TRAFD1: variants seen among roughly 807,000 people sequenced by gnomAD.
The protein encoded by TRAFD1 is TRAF-type zinc finger domain containing 1, also known as TRAF-type zinc finger domain-containing protein 1.
TRAFD1 carries 38 observed loss-of-function variants against 65.3 expected under a neutral mutation model. The observed-to-expected ratio is 0.58, with a 90% CI of 0.45 to 0.76. TRAFD1 has a LOEUF of 0.76. TRAFD1 is among the 30% of genes least tolerant of loss of function. TRAFD1 has a pLI of 0.00. For missense variants in TRAFD1, 631 were observed against 712.6 expected, an observed-to-expected ratio of 0.89 and a Z score of 1.30; for synonymous variants, 223 against 257.2, an observed-to-expected ratio of 0.87 and a Z score of 1.27.
intron 7 of TRAFD1, among the ~76,000 whole-genome samples, chr12:112,146,032 G>A (rs575756465): frequency 6.8e-6 from 1 of 146,620 alleles, no homozygotes; most frequent in Middle Eastern, 3.5e-3. Context: ...GGTTGGGGGA[G>A]GGGGGAGGGA....
rs2136968526 is a variant in TRAFD1, at chr12:112,130,313, TC to T, written c.-12-195del. ...TTTTATTATTTTTATTTTTTAAAAC[TC>T]CCTTATCCAATAAAATTATTTTAAA... On this transcript the variant is annotated intron_variant, in intron 1 of 11. Coordinates refer to ENST00000412615, the MANE Select transcript of TRAFD1 (RefSeq NM_006700.3). This position sits in a 1 kb window ranked among gnomAD's most constrained non-coding sequence, Gnocchi z 4.4. 6.6e-6 allele frequency among the ~76,000 whole-genome samples: 1 copy of T among 152,198 alleles called. No individual in the cohort carries two copies. The highest frequency in any genetic ancestry group is 2.1e-4 in the South Asian group (1 of 4,830).
intron 9 of TRAFD1, among the ~76,000 whole-genome samples, chr12:112,150,544 C>T (rs560776715): frequency 3.9e-5 from 6 of 152,126 alleles, no homozygotes; most frequent in African/African-American, 7.2e-5. Flanking sequence ...CCACTGTGAC[C>T]GACCTCAAAC....
At chr12:112,128,107 C>T (rs1437377643) in intron 1 of TRAFD1, among the ~76,000 whole-genome samples, 1 of 151,978 alleles carries the variant, frequency 6.6e-6, no homozygotes, top group Non-Finnish European at 1.5e-5. Flanking sequence ...CTGCAACCTC[C>T]ACCTCCCGGG....
At chr12:112,143,300 C>T (rs763951302) in intron 6 of TRAFD1, among the ~76,000 whole-genome samples, 2 of 152,146 alleles carry the variant, frequency 1.3e-5, no homozygotes, top group Non-Finnish European at 2.9e-5. Flanking sequence ...AGGATTGTCT[C>T]GATCTCCTGA....
At chr12:112,139,138 A>T (rs1427056074) in intron 4 of TRAFD1, among the ~76,000 whole-genome samples, 10 of 152,072 alleles carry the variant, frequency 6.6e-5, no homozygotes, top group African/African-American at 2.2e-4. Context: ...AGGAGTTTTG[A>T]GATCAACCTG....
intron 7 of TRAFD1, among the ~76,000 whole-genome samples, chr12:112,146,263 A>G (rs1210590709): frequency 2.1e-5 from 3 of 142,142 alleles, no homozygotes; most frequent in African/African-American, 7.8e-5. Context: ...GCAGTGATGT[A>G]TGCCTGTAGT....
chr12:112,133,290 T>C (rs1263862782), intron 2 of TRAFD1: 1 of 152,184 alleles, frequency 6.6e-6, no homozygotes, highest in Non-Finnish European at 1.5e-5. Context: ...CATGTTCCTG[T>C]AGTCAGGAAG....
At position 112,137,145 on chromosome 12, in the gene TRAFD1, C is replaced by A. The variant is rs1329604310; in HGVS notation, c.237+2079C>A. ...GGCTGAGGCAGGAGAATTGCTTGAA[C>A]CTGGGAGGTGGAGGTTGCAGTGAGC... On this transcript the variant is annotated intron_variant, in intron 4 of 11. Coordinates refer to ENST00000412615, the MANE Select transcript of TRAFD1 (RefSeq NM_006700.3). This position sits in a 1 kb window ranked among gnomAD's most constrained non-coding sequence, Gnocchi z 4.2. Among the ~76,000 whole-genome samples, 1 of 152,152 alleles carries A rather than the reference C, an allele frequency of 6.6e-6. No individual in the cohort carries two copies. Among genetic ancestry groups the A allele is most frequent in the Admixed American group, 6.5e-5 (1 of 15,268 alleles).
intron 1 of TRAFD1, among the ~76,000 whole-genome samples, chr12:112,129,431 G>T (rs1044383288): frequency 6.6e-6 from 1 of 151,804 alleles, no homozygotes; most frequent in Non-Finnish European, 1.5e-5. Context: ...AAACTCCTGG[G>T]TTCAAGCGAT....
At chr12:112,142,401 T>A in intron 6 of TRAFD1, 106 bp downstream of exon 6, 1 of 1,329,338 alleles carries the variant, frequency 7.5e-7, no homozygotes, top group Non-Finnish European at 1.0e-6. Flanking sequence ...AGAATTTGCC[T>A]TACTCTTTTT....
chr12:112,145,524 A>C, intron 6 of TRAFD1, 62 bp from the exon 7 acceptor site: 2 of 1,552,350 alleles, frequency 1.3e-6, no homozygotes, highest in East Asian at 2.2e-5. Context: ...AAAGAGGATA[A>C]AAAGTTAAAT....
In TRAFD1 at chr12:112,148,390, G is replaced by A. The variant is rs143322352; in HGVS notation, c.1158+86G>A. Reference sequence around the variant, plus strand: ...CTGAGAACACTTCCTTAGCCTTTAAGTTGCATTCCATCCTGACAAGGAATG... The same window carrying A: ...CTGAGAACACTTCCTTAGCCTTTAAATTGCATTCCATCCTGACAAGGAATG... On this transcript the variant is annotated intron_variant, in intron 8 of 11. Coordinates refer to ENST00000412615, the MANE Select transcript of TRAFD1 (RefSeq NM_006700.3). 134 of 1,165,014 alleles carry A rather than the reference G, an allele frequency of 1.2e-4. No homozygotes were observed. The East Asian group carries it at 1.3e-3, about 11-fold the overall frequency. The allele number at this position is 1,165,014 out of a possible 1,614,324, so 72.2% of individuals were successfully genotyped here.
chr12:112,144,417 T>C (rs1484310168), intron 6 of TRAFD1, among the ~76,000 whole-genome samples: 2 of 152,100 alleles, frequency 1.3e-5, no homozygotes, highest in African/African-American at 4.8e-5. Flanking sequence ...ATTACAGGCT[T>C]GTACCACCAT....
intron 4 of TRAFD1, 24 bp downstream of exon 4, chr12:112,135,090 G>A (rs775135389): frequency 2.4e-5 from 38 of 1,613,868 alleles, no homozygotes; most frequent in South Asian, 3.3e-5. Flanking sequence ...GTGAGTTACC[G>A]TGGGCCCAGT....
chr12:112,142,321 C>T, intron 6 of TRAFD1, 26 bp downstream of exon 6: 2 of 1,591,312 alleles, frequency 1.3e-6, no homozygotes, highest in Non-Finnish European at 1.7e-6. Flanking sequence ...CTGCACTAGC[C>T]TCTTTCTCTA....
At chr12:112,146,310 T>C (rs2030243836) in intron 7 of TRAFD1, among the ~76,000 whole-genome samples, 1 of 150,574 alleles carries the variant, frequency 6.6e-6, no homozygotes, top group East Asian at 1.9e-4. Context: ...GAGGATTGCT[T>C]GAGCCCATGA....
At chr12:112,146,184 G>T in intron 7 of TRAFD1, among the ~76,000 whole-genome samples, 1 of 72,456 alleles carries the variant, frequency 1.4e-5, no homozygotes, top group African/African-American at 5.4e-5. Flanking sequence ...ATAAAAAAAA[G>T]AAGAAGAAGA....
chr12:112,134,566 T>C (rs1849602299), intron 2 of TRAFD1, among the ~76,000 whole-genome samples, 172 bp from the exon 3 acceptor site: 1 of 152,104 alleles, frequency 6.6e-6, no homozygotes, highest in South Asian at 2.1e-4. Flanking sequence ...AGGATTTAGT[T>C]CTTGAAAAGC....
intron 1 of TRAFD1, among the ~76,000 whole-genome samples, chr12:112,128,964 G>T (rs1213462085): frequency 6.8e-6 from 1 of 147,912 alleles, no homozygotes; most frequent in Admixed American, 6.8e-5. Context: ...GCAGTGAGCC[G>T]AGATCGCAGT....
Sources: allele counts gnomAD v4.1 joint callset (sites outside exome capture counted in the v4.1 genomes callset), GRCh38; gene constraint gnomAD v4.1.1; non-coding constraint Gnocchi (gnomAD v3.1); transcripts MANE v1.5; gene names NCBI Gene and HGNC (gene_info 2026-07-23, HGNC 2026-07-21).